The following VPS8 variants were observed in gnomAD, a reference collection of about 807,000 sequenced individuals.
VPS8 encodes the protein VPS8 subunit of CORVET complex.
Under a neutral mutation model 216.4 loss-of-function variants are expected in VPS8, and 129 were observed. The ratio of observed to expected loss-of-function variants is 0.60; its 90% CI spans 0.52 to 0.69. The LOEUF is 0.69. VPS8 is among the 30% of genes least tolerant of loss of function. The pLI, the probability that VPS8 is intolerant of heterozygous loss-of-function variation, is 0.00. For missense variants in VPS8, 1,531 were observed against 1,683.5 expected, an observed-to-expected ratio of 0.91 and a Z score of 1.59; for synonymous variants, 571 against 565.4, an observed-to-expected ratio of 1.01 and a Z score of -0.14.
chr3:184,884,065 CCT>C (rs1177773774), intron 21 of VPS8, among the ~76,000 whole-genome samples: 6 of 152,136 alleles, frequency 3.9e-5, no homozygotes, highest in Admixed American at 3.9e-4. Flanking sequence ...TGAGGAGTAT[CCT>C]TTTTCAGGAT....
chr3:184,960,369 G>A (rs1251867760), intron 37 of VPS8, among the ~76,000 whole-genome samples: 1 of 152,106 alleles, frequency 6.6e-6, no homozygotes, highest in Non-Finnish European at 1.5e-5. Flanking sequence ...TCAAAATAAA[G>A]TAACTGTGGA....
chr3:185,031,067 T>TTTTTTTTTG (rs1561199199), intron 46 of VPS8, among the ~76,000 whole-genome samples: 2 of 136,512 alleles, frequency 1.5e-5, no homozygotes, highest in African/African-American at 6.0e-5. Flanking sequence ...GTTGGCGTTT[T>TTTTTTTTTG]TTTTTTTTTT....
intron 2 of VPS8, 155 bp downstream of exon 2, chr3:184,824,940 CTG>C: frequency 2.9e-6 from 2 of 693,172 alleles, no homozygotes; most frequent in Non-Finnish European, 4.8e-6. Flanking sequence ...GGGTCTCACT[CTG>C]TTGTCCAGGT....
intron 21 of VPS8, among the ~76,000 whole-genome samples, chr3:184,878,688 C>A (rs1729726757): frequency 6.6e-6 from 1 of 152,108 alleles, no homozygotes; most frequent in African/African-American, 2.4e-5. Context: ...ATCCCTGAGG[C>A]TTGATTAAAG....
chr3:185,009,158 TACAG>T (rs1754649467), intron 45 of VPS8, among the ~76,000 whole-genome samples: 1 of 152,206 alleles, frequency 6.6e-6, no homozygotes, highest in African/African-American at 2.4e-5. Flanking sequence ...AAAATCTTCA[TACAG>T]ACAAAGAGAA....
intron 21 of VPS8, among the ~76,000 whole-genome samples, chr3:184,884,652 G>A (rs1352603212): frequency 1.3e-5 from 2 of 152,146 alleles, no homozygotes; most frequent in East Asian, 3.9e-4. Context: ...TTTCATTGAG[G>A]ATGTGGCTTT....
chr3:185,009,148 A>C (rs1754647436), intron 45 of VPS8, among the ~76,000 whole-genome samples: 1 of 152,232 alleles, frequency 6.6e-6, no homozygotes, highest in African/African-American at 2.4e-5. Context: ...TTGATGCAGA[A>C]AAATCTTCAT....
Position 184,898,563 on chromosome 3 carries a change from A to G in VPS8, c.2005-2A>G. The stretch of plus-strand genomic sequence containing the variant: ...GGACCAAGTGGCTTTTCCTTTTCAC[A>G]GGTAGTTCTCATGTGTTGGGAAAAT... On this transcript the variant is annotated splice_acceptor_variant, in intron 23 of 47. Coordinates refer to ENST00000625842, the MANE Select transcript of VPS8 (RefSeq NM_001009921.3). LOFTEE classifies it high-confidence loss of function. 6.5e-7 allele frequency: 1 copy of G among 1,550,384 alleles called. No homozygotes were observed. Among genetic ancestry groups the G allele is most frequent in the Non-Finnish European group, 8.7e-7 (1 of 1,146,208 alleles).
At chr3:184,963,405 C>T (rs1746865513) in intron 37 of VPS8, among the ~76,000 whole-genome samples, 1 of 152,038 alleles carries the variant, frequency 6.6e-6, no homozygotes, top group Non-Finnish European at 1.5e-5. Flanking sequence ...TAAATTTGTT[C>T]ATAGTTACTT....
At chr3:185,012,261 A>G (rs1755119403) in intron 45 of VPS8, among the ~76,000 whole-genome samples, 1 of 147,984 alleles carries the variant, frequency 6.8e-6, no homozygotes, top group Non-Finnish European at 1.5e-5. Context: ...TATAAATTAT[A>G]GATATATAAT....
intron 31 of VPS8, among the ~76,000 whole-genome samples, chr3:184,927,832 T>C (rs1301239974): frequency 6.6e-6 from 1 of 152,230 alleles, no homozygotes; most frequent in Non-Finnish European, 1.5e-5. Flanking sequence ...ACTCGTTCTT[T>C]TGTATTTAGC....
intron 46 of VPS8, among the ~76,000 whole-genome samples, chr3:185,043,676 T>G (rs1712200736): frequency 6.6e-6 from 1 of 152,258 alleles, no homozygotes; most frequent in African/African-American, 2.4e-5. Flanking sequence ...AGCAGAACAC[T>G]AGTAGCTATA....
intron 39 of VPS8, among the ~76,000 whole-genome samples, 179 bp downstream of exon 39, chr3:184,966,892 C>G (rs1485752407): frequency 6.6e-6 from 1 of 152,006 alleles, no homozygotes; most frequent in Non-Finnish European, 1.5e-5. Flanking sequence ...AACAGGAAAT[C>G]ATAGAAACCA....
At chr3:184,975,925 C>A (rs1749186743) in intron 40 of VPS8, among the ~76,000 whole-genome samples, 1 of 152,060 alleles carries the variant, frequency 6.6e-6, no homozygotes, top group South Asian at 2.1e-4. Flanking sequence ...ACAGTCAACC[C>A]TTGAACAACA....
intron 1 of VPS8, chr3:184,817,519 AAAAG>A (rs1297995132): frequency 2.0e-5 from 3 of 152,238 alleles, no homozygotes; most frequent in African/African-American, 4.8e-5. Flanking sequence ...GCAGGGCAAA[AAAAG>A]GCCTTCCTAA....
intron 1 of VPS8, among the ~76,000 whole-genome samples, chr3:184,818,521 CAAAAAAAAA>C (rs11310520): frequency 1.1e-5 from 1 of 89,286 alleles, no homozygotes; most frequent in African/African-American, 4.7e-5. Flanking sequence ...GAACCTGTCT[CAAAAAAAAA>C]AAAAAAAAAG....
At chr3:184,962,829 T>G (rs1746760441) in intron 37 of VPS8, among the ~76,000 whole-genome samples, 1 of 143,246 alleles carries the variant, frequency 7.0e-6, no homozygotes, top group Non-Finnish European at 1.6e-5. Flanking sequence ...AATTTTATAG[T>G]TCAGCTTCTT....
intron 21 of VPS8, 142 bp from the exon 22 acceptor site, chr3:184,885,968 T>C: frequency 1.2e-6 from 1 of 815,834 alleles, no homozygotes; most frequent in Non-Finnish European, 1.9e-6. Context: ...CTTTGACACA[T>C]AATGCCAAAT....
At chr3:185,005,663 C>T (rs890367494) in intron 45 of VPS8, among the ~76,000 whole-genome samples, 1 of 146,748 alleles carries the variant, frequency 6.8e-6, no homozygotes, top group Admixed American at 6.8e-5. Context: ...ATTCTTGCAG[C>T]TATTGTAAAA....
Sources: allele counts gnomAD v4.1 joint callset (sites outside exome capture counted in the v4.1 genomes callset), GRCh38; gene constraint gnomAD v4.1.1; transcripts MANE v1.5; gene names NCBI Gene and HGNC (gene_info 2026-07-23, HGNC 2026-07-21).